CDH7: variants seen among roughly 807,000 people sequenced by gnomAD.
CDH7 encodes the protein cadherin 7, also known as cadherin-7.
A neutral mutation model predicts 71.8 loss-of-function variants in CDH7; 25 were observed. The observed-to-expected ratio is 0.35, with a 90% CI of 0.25 to 0.49. The LOEUF (loss-of-function observed/expected upper bound fraction) is 0.49. Ranked by LOEUF, CDH7 falls within the 20% of genes least tolerant of loss-of-function variation. The pLI is 0.99. For synonymous variants in CDH7, 381 were observed against 363.8 expected (o/e 1.05, Z -0.54); for missense variants, 862 against 974.6 (o/e 0.88, Z 1.54).
Position 65,859,742 on chromosome 18 carries a change from A to G in CDH7, c.1529A>G (p.Glu510Gly). 6.2e-7 allele frequency: 1 copy of G among 1,610,748 alleles called. No individual in the cohort carries two copies. The change falls in exon 10 of 12, where the codon GAG becomes GGG. Residue 510 changes from glutamate (E) to glycine (G), a missense_variant. Coordinates refer to ENST00000397968, the MANE Select transcript of CDH7 (RefSeq NM_004361.5). The part of the protein sequence containing the change: ...IQKISAVDKD[E>G]PSNGHQFYFS... Reference sequence around the variant, plus strand: ...AAAATCAGTGCTGTGGATAAAGATGAGCCATCCAATGGACACCAGTTTTAC... The same window carrying G: ...AAAATCAGTGCTGTGGATAAAGATGGGCCATCCAATGGACACCAGTTTTAC...
At chr18:65,858,742 A>G (rs1182692713) in intron 8 of CDH7, among the ~76,000 whole-genome samples, 183 bp from the exon 9 acceptor site, 3 of 152,230 alleles carry the variant, frequency 2.0e-5, no homozygotes, top group Admixed American at 6.5e-5. Context: ...ATACACACAC[A>G]TACAAATACA....
At chr18:65,869,335 A>T (rs763742909) in intron 11 of CDH7, among the ~76,000 whole-genome samples, 2 of 151,994 alleles carry the variant, frequency 1.3e-5, no homozygotes, top group Non-Finnish European at 2.9e-5. Flanking sequence ...GAAACACCGC[A>T]GCTTAAAATC....
rs1249898569 is a variant in CDH7, at chr18:65,824,811, G to C, written c.961G>C (p.Gly321Arg). Reference protein sequence around the residue: ...KISVDKETQEGIITIQKELDF... With the variant: ...KISVDKETQERIITIQKELDF... ...TTCTGTTGACAAAGAAACCCAGGAAGGAATCATTACTATACAGAAGGTAAT... is the reference window on the plus strand; with the variant it reads ...TTCTGTTGACAAAGAAACCCAGGAACGAATCATTACTATACAGAAGGTAAT... Residue 321 changes from glycine (G) to arginine (R), a missense_variant, in exon 6 of 12, where the codon GGA becomes CGA. Physicochemically the swap from Gly to Arg is moderately radical, Grantham distance 125. Transcript: ENST00000397968. The C allele has an allele frequency of 6.2e-7, 1 of 1,609,870 alleles. No individual in the cohort carries two copies. The highest frequency in any genetic ancestry group is 1.1e-5 in the South Asian group (1 of 90,880).
At chr18:65,879,191 G>A (rs2628208) in intron 11 of CDH7, among the ~76,000 whole-genome samples, 23,240 of 152,104 alleles carry the variant, frequency 0.15, 3,427 homozygotes, top group African/African-American at 0.39. Flanking sequence ...AGTTAAGGAC[G>A]TTGATGTCCT....
chr18:65,854,652 TTAAGAATC>T, intron 7 of CDH7, among the ~76,000 whole-genome samples: 1 of 152,152 alleles, frequency 6.6e-6, no homozygotes. Context: ...CTTTTAGCTT[TTAAGAATC>T]TAGACATTTG....
At chr18:65,869,113 G>T (rs74556169) in intron 11 of CDH7, among the ~76,000 whole-genome samples, 2 of 151,936 alleles carry the variant, frequency 1.3e-5, no homozygotes, top group African/African-American at 4.8e-5. Flanking sequence ...CCGTCTTCTC[G>T]CTTGCATCCT....
intron 6 of CDH7, among the ~76,000 whole-genome samples, chr18:65,837,039 C>G (rs1052823675): frequency 1.3e-5 from 2 of 152,248 alleles, no homozygotes; most frequent in Admixed American, 1.3e-4. Flanking sequence ...ATGAATGCAT[C>G]AACAGTGTGC....
At chr18:65,789,910 G>T (rs764283899) in intron 2 of CDH7, among the ~76,000 whole-genome samples, 15 of 151,966 alleles carry the variant, frequency 9.9e-5, no homozygotes, top group Non-Finnish European at 1.6e-4. Flanking sequence ...AGATTAAGTT[G>T]CAGTTTGGCC....
chr18:65,751,441 C>A (rs7241634), intron 1 of CDH7, among the ~76,000 whole-genome samples: 54,050 of 151,994 alleles, frequency 0.36, 10,016 homozygotes, highest in Middle Eastern at 0.48. Context: ...AATCCCGGCA[C>A]TCTCCAGGTG....
chr18:65,841,714 T>A (rs991706866), intron 6 of CDH7, among the ~76,000 whole-genome samples: 2 of 152,120 alleles, frequency 1.3e-5, no homozygotes, highest in African/African-American at 4.8e-5. Context: ...AGAGAGGATT[T>A]GCTTCAGAAT....
chr18:65,806,805 C>G (rs2143898561), intron 2 of CDH7, among the ~76,000 whole-genome samples: 1 of 152,254 alleles, frequency 6.6e-6, no homozygotes, highest in South Asian at 2.1e-4. Flanking sequence ...GAGTTTTTTA[C>G]TAAGAGTGTG....
intron 2 of CDH7, among the ~76,000 whole-genome samples, chr18:65,798,886 G>T (rs973956656): frequency 6.6e-6 from 1 of 152,140 alleles, no homozygotes; most frequent in Non-Finnish European, 1.5e-5. Context: ...GCACGCAGGG[G>T]ATCTGGGAGG....
At chr18:65,778,043 C>T (rs1363869953) in intron 2 of CDH7, among the ~76,000 whole-genome samples, 5 of 152,092 alleles carry the variant, frequency 3.3e-5, no homozygotes, top group East Asian at 1.9e-4. Context: ...AAAGCCGAGG[C>T]GGGTGGATCA....
At chr18:65,820,944 G>T (rs1337716079) in intron 4 of CDH7, among the ~76,000 whole-genome samples, 1 of 152,026 alleles carries the variant, frequency 6.6e-6, no homozygotes, top group Non-Finnish European at 1.5e-5. Flanking sequence ...AATGAGAGAT[G>T]AGTCAAATTT....
intron 6 of CDH7, among the ~76,000 whole-genome samples, chr18:65,842,276 A>C (rs1173865679): frequency 6.6e-6 from 1 of 152,084 alleles, no homozygotes; most frequent in Non-Finnish European, 1.5e-5. Context: ...ATAGTGATGA[A>C]CAAAATGATC....
At chr18:65,858,391 C>T (rs1293151530) in intron 8 of CDH7, among the ~76,000 whole-genome samples, 4 of 151,636 alleles carry the variant, frequency 2.6e-5, no homozygotes, top group Non-Finnish European at 5.9e-5. Context: ...AAAATGAATG[C>T]ATATTTGCAT....
chr18:65,858,793 A>G (rs1599056775), intron 8 of CDH7, 132 bp from the exon 9 acceptor site: 1 of 776,738 alleles, frequency 1.3e-6, no homozygotes, highest in Admixed American at 2.8e-5. Context: ...ATATTTTCGT[A>G]TTTTCTATAG....
chr18:65,850,032 T>G (rs570746768), intron 7 of CDH7, among the ~76,000 whole-genome samples: 1 of 150,270 alleles, frequency 6.7e-6, no homozygotes, highest in East Asian at 2.0e-4. Context: ...GGTGTGGTGG[T>G]GCATGCCTGT....
At chr18:65,771,103 C>T (rs1916529862) in intron 2 of CDH7, among the ~76,000 whole-genome samples, 1 of 151,960 alleles carries the variant, frequency 6.6e-6, no homozygotes, top group Non-Finnish European at 1.5e-5. Context: ...GATTCAGGTC[C>T]CAACCATATA....
Sources: gnomAD v4.1 joint callset for allele counts (sites outside exome capture counted in the v4.1 genomes callset) on GRCh38, gnomAD v4.1.1 for gene constraint, MANE v1.5 for transcripts, NCBI Gene and HGNC (gene_info 2026-07-23, HGNC 2026-07-21) for gene names.